The following LNX1 variants were observed in gnomAD, a reference collection of about 807,000 sequenced individuals.
The protein encoded by LNX1 is ligand of numb-protein X 1, also known as E3 ubiquitin-protein ligase LNX.
LNX1 carries 54 observed loss-of-function variants against 68.4 expected under a neutral mutation model. The ratio of observed to expected loss-of-function variants is 0.79; its 90% CI spans 0.63 to 0.99. The LOEUF is 0.99. LNX1 is among the 50% of genes least tolerant of loss of function. LNX1 has a pLI of 0.00. For missense variants in LNX1, 906 were observed against 926.4 expected (o/e 0.98, Z 0.29); for synonymous variants, 336 against 350.0 (o/e 0.96, Z 0.45).
chr4:53,642,245 A>C (rs1043519598), intron 1 of LNX1, among the ~76,000 whole-genome samples: 4 of 148,762 alleles, frequency 2.7e-5, no homozygotes, highest in African/African-American at 1.0e-4. Context: ...AAAAAAAAAA[A>C]GGTCAAAGCA....
At chr4:53,620,151 C>A (rs185585586), upstream of LNX1, among the ~76,000 whole-genome samples, 275 of 152,242 alleles carry the variant, frequency 1.8e-3, 3 homozygotes, top group South Asian at 6.6e-3. Context: ...TATTAATTTG[C>A]AGTTACTGGG....
chr4:53,565,006 G>A (rs1667655295), intron 2 of LNX1, among the ~76,000 whole-genome samples: 1 of 152,218 alleles, frequency 6.6e-6, no homozygotes, highest in African/African-American at 2.4e-5. Flanking sequence ...CTACCCCACG[G>A]AGTCTCGCTG....
intron 2 of LNX1, among the ~76,000 whole-genome samples, chr4:53,562,912 T>TA (rs1484221364): frequency 4.6e-5 from 7 of 152,052 alleles, no homozygotes; most frequent in Non-Finnish European, 1.0e-4. Context: ...ATTTGTCAAT[T>TA]AAAAAAATAA....
intron 9 of LNX1, among the ~76,000 whole-genome samples, chr4:53,463,093 T>G (rs1722306677): frequency 1.3e-5 from 2 of 152,270 alleles, no homozygotes; most frequent in South Asian, 4.1e-4. Context: ...CCCAGTTTGA[T>G]TCTTTAAAAT....
chr4:53,565,341 CTGA>C (rs977785442), intron 2 of LNX1, among the ~76,000 whole-genome samples: 5 of 152,106 alleles, frequency 3.3e-5, no homozygotes, highest in African/African-American at 1.2e-4. Context: ...TCCCTGACCC[CTGA>C]CCCCCGAGCA....
At chr4:53,479,363 C>G (rs1723772056) in intron 7 of LNX1, among the ~76,000 whole-genome samples, 1 of 152,178 alleles carries the variant, frequency 6.6e-6, no homozygotes, top group Admixed American at 6.5e-5. Flanking sequence ...TCTTTCACAC[C>G]TGCTCAGTGC....
At chr4:53,610,818 G>C (rs1285621951) in intron 2 of LNX1, among the ~76,000 whole-genome samples, 1 of 150,586 alleles carries the variant, frequency 6.6e-6, no homozygotes, top group Non-Finnish European at 1.5e-5. Context: ...TACTGAAATA[G>C]AAGGCAAAAT....
intron 9 of LNX1, among the ~76,000 whole-genome samples, chr4:53,470,338 C>T (rs895650661): frequency 4.6e-5 from 7 of 152,138 alleles, no homozygotes; most frequent in Non-Finnish European, 1.0e-4. Context: ...TGGGACGTAT[C>T]TCAAAATAAT....
In LNX1 at chr4:53,649,327, A is replaced by G. The variant is rs560799695; in HGVS notation, c.-215+2841T>C. ...CACTATGTAAAAGAATTTAATTTAC[A>G]TGTCAATCCCACAAGGCGACTACTA... On this transcript the variant is annotated intron_variant, in intron 1 of 2. Coordinates refer to the LNX1 transcript ENST00000507168. 1.5e-3 allele frequency among the ~76,000 whole-genome samples: 230 copies of G among 152,342 alleles called. 2 individuals are homozygous for G. Among genetic ancestry groups the G allele is most frequent in the Non-Finnish European group, 2.8e-3 (191 of 68,038 alleles).
At chr4:53,579,282 A>G in intron 1 of LNX1, 1 of 984,500 alleles carries the variant, frequency 1.0e-6, no homozygotes, top group Non-Finnish European at 1.2e-6. Context: ...TGGAAATCTT[A>G]CACTTTTTCA....
chr4:53,542,305 T>C (rs983583160), intron 2 of LNX1, among the ~76,000 whole-genome samples: 3 of 152,216 alleles, frequency 2.0e-5, no homozygotes, highest in Non-Finnish European at 2.9e-5. Flanking sequence ...ATCTTAAAGA[T>C]TGTAATACTG....
intron 6 of LNX1, among the ~76,000 whole-genome samples, chr4:53,482,259 A>G (rs1191173622): frequency 6.6e-6 from 1 of 152,238 alleles, no homozygotes; most frequent in East Asian, 1.9e-4. Flanking sequence ...GTACACAGTA[A>G]AGAAAAAGAG....
intron 7 of LNX1, among the ~76,000 whole-genome samples, chr4:53,481,173 T>C (rs1236381965): frequency 6.6e-6 from 1 of 152,208 alleles, no homozygotes; most frequent in Admixed American, 6.5e-5. Context: ...TCCACAGTGT[T>C]TTAGAGTTTT....
In LNX1 at chr4:53,460,522, AT is replaced by A. The variant is rs553268068; in HGVS notation, c.*384del. On this transcript the variant is annotated 3_prime_UTR_variant, in exon 11 of 11. Coordinates refer to ENST00000263925, the MANE Select transcript of LNX1 (RefSeq NM_001126328.3). The stretch of plus-strand genomic sequence containing the variant: ...GTTTCTCAGCAATGCATTTTAAAAA[AT>A]ATTTTAGCTGTAAATTAAAAATGGC... 606 of 206,466 alleles carry A rather than the reference AT, an allele frequency of 2.9e-3. 2 individuals are homozygous for A. Among genetic ancestry groups the A allele is most frequent in the Admixed American group, 4.4e-3 (74 of 16,810 alleles). The allele number at this position is 206,466 out of a possible 1,614,324, so 12.8% of individuals were successfully genotyped here. A position where few individuals can be genotyped will look rare whatever the true frequency, so the allele number is the denominator to read the frequency against.
chr4:53,502,080 T>C (rs1725545346), intron 4 of LNX1: 1 of 152,138 alleles, frequency 6.6e-6, no homozygotes, highest in Non-Finnish European at 1.5e-5. Flanking sequence ...GGAAAGAAAA[T>C]GATTTGTTCA....
chr4:53,588,654 G>T (rs531530004), intron 1 of LNX1, among the ~76,000 whole-genome samples: 1 of 152,284 alleles, frequency 6.6e-6, no homozygotes, highest in Admixed American at 6.5e-5. Context: ...GATGGAGGGG[G>T]CCTGTGAAGT....
At chr4:53,538,644 C>T (rs1263939028) in intron 2 of LNX1, among the ~76,000 whole-genome samples, 4 of 152,292 alleles carry the variant, frequency 2.6e-5, no homozygotes, top group African/African-American at 7.2e-5. Context: ...AGCTCTTCCC[C>T]ATGTAGCCTG....
chr4:53,508,080 C>T lies in LNX1; in HGVS notation c.528G>A (p.Glu176=), dbSNP rs751549248. Residue 176 remains glutamate (E), a synonymous_variant, in exon 3 of 11, where the codon GAG becomes GAA. Coordinates refer to ENST00000263925, the MANE Select transcript of LNX1 (RefSeq NM_001126328.3). ...CGTAGGCAGGGTTGTCTAGGCCAGG[C>T]TCGTCTGTCATTAAGGAGATGGTGG... ...AAATISLMTD[E]PGLDNPAYVS... is the part of the protein sequence containing the mutation. The T allele has an allele frequency of 1.9e-6, 3 of 1,614,136 alleles. No homozygotes were observed. Among genetic ancestry groups the T allele is most frequent in the Non-Finnish European group, 2.5e-6 (3 of 1,180,038 alleles).
intron 1 of LNX1, among the ~76,000 whole-genome samples, chr4:53,643,185 C>T (rs1254829601): frequency 6.6e-6 from 1 of 151,898 alleles, no homozygotes; most frequent in East Asian, 1.9e-4. Context: ...GGATCTTGCT[C>T]TGTTGCCCAA....
Sources: allele counts gnomAD v4.1 joint callset (sites outside exome capture counted in the v4.1 genomes callset), GRCh38; gene constraint gnomAD v4.1.1; transcripts MANE v1.5; gene names NCBI Gene and HGNC (gene_info 2026-07-23, HGNC 2026-07-21).